CDK5RAP3: variants seen among roughly 807,000 people sequenced by gnomAD.
The protein encoded by CDK5RAP3 is CDK5 regulatory subunit-associated protein 3.
In CDK5RAP3, 58 loss-of-function variants were observed where a neutral mutation model predicts 73.3. The observed-to-expected ratio is 0.79, with a 90% CI of 0.64 to 0.98. The LOEUF is 0.98. Ranked by LOEUF, CDK5RAP3 falls within the 50% of genes least tolerant of loss-of-function variation. CDK5RAP3 has a pLI of 0.00. For missense variants in CDK5RAP3, 525 were observed against 615.8 expected (o/e 0.85, Z 1.56); for synonymous variants, 224 against 247.5 (o/e 0.91, Z 0.89).
At chr17:47,975,438 G>C in intron 6 of CDK5RAP3, 76 bp from the exon 7 acceptor site, 1 of 1,607,886 alleles carries the variant, frequency 6.2e-7, no homozygotes, top group African/African-American at 1.3e-5. Flanking sequence ...CCCCCTTTGG[G>C]CCAGTGTCTT....
At chr17:47,976,349 C>CA (rs2036411792) in intron 8 of CDK5RAP3, 1 of 370,384 alleles carries the variant, frequency 2.7e-6, no homozygotes, top group Non-Finnish European at 4.9e-6. Context: ...AAGGCAGCCC[C>CA]ACCCTCCTTT....
intron 2 of CDK5RAP3, among the ~76,000 whole-genome samples, chr17:47,972,744 G>A (rs2036299508): frequency 1.3e-5 from 2 of 151,844 alleles, no homozygotes; most frequent in South Asian, 4.2e-4. Flanking sequence ...TTGAGTCCTT[G>A]CCGTGTCTCA....
intron 8 of CDK5RAP3, 53 bp from the exon 9 acceptor site, chr17:47,976,659 C>G (rs942352935): frequency 2.4e-6 from 3 of 1,259,040 alleles, no homozygotes; most frequent in Admixed American, 1.7e-5. Flanking sequence ...CCACCATGCC[C>G]GGCCCTTTTT....
At chr17:47,970,469 G>A, upstream of CDK5RAP3, 3 of 602,460 alleles carry the variant, frequency 5.0e-6, no homozygotes, top group South Asian at 5.7e-5. Context: ...TGTCTGTGTA[G>A]TCTCCTCCAC....
chr17:47,978,209 A>C (rs2036464629), intron 10 of CDK5RAP3, among the ~76,000 whole-genome samples: 1 of 151,512 alleles, frequency 6.6e-6, no homozygotes, highest in Non-Finnish European at 1.5e-5. Flanking sequence ...AGCTGGGATT[A>C]CAGGCATGCA....
Position 47,975,588 on chromosome 17 carries a change from G to T in CDK5RAP3, c.588G>T (p.Ala196=). 1 of 1,609,640 alleles carries T rather than the reference G, an allele frequency of 6.2e-7. No homozygotes were observed. ...LPSQLAEIGA[A]AQQSLGEAID... Reference sequence around the variant, plus strand: ...GTCAGCTGGCTGAGATTGGGGCAGCGGCTCAGCAGTCCCTGGGGGAAGCCA... The same window carrying T: ...GTCAGCTGGCTGAGATTGGGGCAGCTGCTCAGCAGTCCCTGGGGGAAGCCA... The change falls in exon 7 of 14, where the codon GCG becomes GCT. Residue 196 remains alanine, a synonymous_variant. Transcript: ENST00000338399.
chr17:47,975,768 C>T, intron 7 of CDK5RAP3, 101 bp from the exon 8 acceptor site: 1 of 1,589,022 alleles, frequency 6.3e-7, no homozygotes, highest in South Asian at 1.1e-5. Flanking sequence ...CACACCTGAA[C>T]CTGTGGGGGC....
chr17:47,971,124 C>T lies in CDK5RAP3; in HGVS notation c.-23C>T. On this transcript the variant is annotated 5_prime_UTR_variant, in exon 1 of 14. Coordinates refer to ENST00000338399, the MANE Select transcript of CDK5RAP3 (RefSeq NM_176096.3). ...GGGCGGGGCGGGCCACAGTCTCCAGCCTGAAGCGGAAGTGGAGGAAAGATG... is the reference window on the plus strand; with the variant it reads ...GGGCGGGGCGGGCCACAGTCTCCAGTCTGAAGCGGAAGTGGAGGAAAGATG... The T allele has an allele frequency of 6.4e-7, 1 of 1,551,684 alleles. No homozygotes were observed. The highest frequency in any genetic ancestry group is 1.2e-5 in the South Asian group (1 of 84,018).
chr17:47,972,856 G>C (rs2036302250), intron 2 of CDK5RAP3, among the ~76,000 whole-genome samples: 1 of 152,144 alleles, frequency 6.6e-6, no homozygotes, highest in Non-Finnish European at 1.5e-5. Context: ...TAGTAGACTT[G>C]CTCAAGAAAC....
intron 8 of CDK5RAP3, 33 bp downstream of exon 8, chr17:47,976,046 G>A: frequency 6.2e-7 from 1 of 1,604,402 alleles, no homozygotes; most frequent in Non-Finnish European, 8.5e-7. Flanking sequence ...CTGTAGGAGT[G>A]GAGTGGGAGC....
intron 6 of CDK5RAP3, 40 bp downstream of exon 6, chr17:47,975,377 G>A: frequency 6.2e-7 from 1 of 1,608,400 alleles, no homozygotes; most frequent in Non-Finnish European, 8.5e-7. Flanking sequence ...AGGACACCTG[G>A]GCCCCTGCTT....
upstream of CDK5RAP3, among the ~76,000 whole-genome samples, chr17:47,969,925 G>T (rs930726782): frequency 6.6e-6 from 1 of 152,118 alleles, no homozygotes; most frequent in Non-Finnish European, 1.5e-5. Context: ...AATCACCTAG[G>T]TGTCATCCTT....
chr17:47,968,272 G>C (rs1057235438), upstream of CDK5RAP3, among the ~76,000 whole-genome samples: 2 of 152,088 alleles, frequency 1.3e-5, no homozygotes, highest in African/African-American at 4.8e-5. Flanking sequence ...GCCATTTTCA[G>C]AGCAGTTTTT....
chr17:47,970,761 C>A, upstream of CDK5RAP3: 2 of 1,509,128 alleles, frequency 1.3e-6, no homozygotes. Flanking sequence ...GCTAGGACCC[C>A]GCCAGCAGAC....
In CDK5RAP3 at chr17:47,980,712, T is replaced by C; in HGVS notation, c.1197T>C (p.Val399=). The change falls in exon 12 of 14, where the codon GTT becomes GTC. Residue 399 remains valine (V), a synonymous_variant. Transcript: ENST00000338399. ...AGGGCCAGACCAAAGAGAAGATGGTTACCATGGTGTCAGTGCTGGAGGATC... is the reference window on the plus strand; with the variant it reads ...AGGGCCAGACCAAAGAGAAGATGGTCACCATGGTGTCAGTGCTGGAGGATC... ...ILQGQTKEKM[V]TMVSVLEDLI... is the part of the protein sequence containing the mutation. 6.2e-7 allele frequency: 1 copy of C among 1,614,228 alleles called. No homozygotes were observed. The highest frequency in any genetic ancestry group is 8.5e-7 in the Non-Finnish European group (1 of 1,180,040).
At chr17:47,971,337 C>G (rs2036258599) in intron 1 of CDK5RAP3, 25 bp from the exon 2 acceptor site, 1 of 1,607,164 alleles carries the variant, frequency 6.2e-7, no homozygotes, top group Non-Finnish European at 8.5e-7. Flanking sequence ...GCTCACGCCC[C>G]CCTCCTCACC....
intron 12 of CDK5RAP3, 36 bp downstream of exon 12, chr17:47,980,834 T>C: frequency 6.3e-7 from 1 of 1,589,866 alleles, no homozygotes; most frequent in Non-Finnish European, 8.6e-7. Flanking sequence ...TCTGCCATCT[T>C]GAGCAGCTCT....
upstream of CDK5RAP3, among the ~76,000 whole-genome samples, chr17:47,969,416 G>T (rs1467770361): frequency 6.6e-6 from 1 of 151,820 alleles, no homozygotes; most frequent in Non-Finnish European, 1.5e-5. Context: ...AATTAGCCGG[G>T]CGTGGTGGCG....
intron 9 of CDK5RAP3, among the ~76,000 whole-genome samples, 157 bp from the exon 10 acceptor site, chr17:47,977,675 G>T (rs2036447820): frequency 6.6e-6 from 1 of 152,160 alleles, no homozygotes; most frequent in Non-Finnish European, 1.5e-5. Context: ...GGGATGATGG[G>T]CCATACTGCC....
Sources: allele counts gnomAD v4.1 joint callset (sites outside exome capture counted in the v4.1 genomes callset), GRCh38; gene constraint gnomAD v4.1.1; transcripts MANE v1.5; gene names NCBI Gene and HGNC (gene_info 2026-07-23, HGNC 2026-07-21).